IPO5: variants seen among roughly 807,000 people sequenced by gnomAD.
IPO5 encodes the protein importin-5.
Under a neutral mutation model 143.3 loss-of-function variants are expected in IPO5, and 18 were observed. That is an observed-to-expected ratio of 0.13 (90% CI 0.09 to 0.19). The LOEUF (loss-of-function observed/expected upper bound fraction) is 0.19, where lower values mean the gene tolerates loss of function less well. Among genes scored for constraint, IPO5 ranks in the 10% least tolerant of loss-of-function variants. The pLI is 1.00. For synonymous variants in IPO5, 477 were observed against 465.7 expected, an observed-to-expected ratio of 1.02 and a Z score of -0.31; for missense variants, 1,013 against 1,336.9, an observed-to-expected ratio of 0.76 and a Z score of 3.78.
intron 13 of IPO5, 138 bp downstream of exon 13, chr13:98,000,783 C>A: frequency 1.6e-6 from 1 of 610,896 alleles, no homozygotes; most frequent in Non-Finnish European, 2.9e-6. Flanking sequence ...TTTATTTTAC[C>A]GATAAAATTG....
At chr13:98,000,222 T>G (rs1888648096) in intron 12 of IPO5, among the ~76,000 whole-genome samples, 1 of 152,008 alleles carries the variant, frequency 6.6e-6, no homozygotes, top group African/African-American at 2.4e-5. Context: ...GAGGCGGAGC[T>G]TGCAGTGAGC....
intron 28 of IPO5, 154 bp downstream of exon 28, chr13:98,021,287 A>T: frequency 1.7e-6 from 1 of 591,452 alleles, no homozygotes; most frequent in Non-Finnish European, 2.8e-6. Flanking sequence ...GATTATACTT[A>T]ATGTAATCCA....
chr13:98,004,605 G>A lies in IPO5; in HGVS notation c.1498-1525G>A, dbSNP rs574295228. ...TGGAAGGAGTTGTTGGGATGGGATG[G>A]TAGGAGGACAGTGTTCACGAGGAAG... On this transcript the variant is annotated intron_variant, in intron 16 of 28. Coordinates refer to ENST00000651721, the MANE Select transcript of IPO5 (RefSeq NM_002271.6). Among the ~76,000 whole-genome samples, 3 of 152,304 alleles carry A rather than the reference G, an allele frequency of 2.0e-5. 1 individual carries two copies. The highest frequency in any genetic ancestry group is 7.2e-5 in the African/African-American group (3 of 41,588).
Position 98,019,586 on chromosome 13 carries a change from C to T in IPO5, c.2842C>T (p.Leu948Phe). The change falls in exon 27 of 29, where the codon CTT becomes TTT. Residue 948 changes from leucine to phenylalanine, a missense_variant. By Grantham distance (22) the Leu-to-Phe change is conservative. Transcript: ENST00000651721. ...DNYRPFCTEALPLLVRVIQSA... is the reference protein window; with the variant it reads ...DNYRPFCTEAFPLLVRVIQSA... ...CTTTCAAATGCTTATTTTAGAAGCA[C>T]TTCCCCTGCTGGTAAGAGTTATTCA... 1 of 1,610,488 alleles carries T rather than the reference C, an allele frequency of 6.2e-7. No individual in the cohort carries two copies. Among genetic ancestry groups the T allele is most frequent in the African/African-American group, 1.3e-5 (1 of 74,998 alleles).
intron 9 of IPO5, 141 bp downstream of exon 9, chr13:97,990,678 G>A: frequency 1.9e-6 from 1 of 521,290 alleles, no homozygotes; most frequent in Non-Finnish European, 3.3e-6. Flanking sequence ...GCAAATCTCA[G>A]TCTCCATTAA....
At chr13:97,972,413 T>C (rs1235019301) in intron 3 of IPO5, among the ~76,000 whole-genome samples, 1 of 152,222 alleles carries the variant, frequency 6.6e-6, no homozygotes, top group Non-Finnish European at 1.5e-5. Flanking sequence ...TTAAGGAGCC[T>C]GGTCTCCTGC....
rs139723396 is a variant in IPO5, at chr13:97,961,107, A to C, written c.-113+6909A>C. ...GTGGTCTTTTTGTCTGATTTCCTTC[A>C]GGCAGTCTAATGAGTTTAAGGTTCA... On this transcript the variant is annotated intron_variant, in intron 2 of 28. Coordinates refer to ENST00000651721, the MANE Select transcript of IPO5 (RefSeq NM_002271.6). Among the ~76,000 whole-genome samples the C allele has an allele frequency of 7.1e-3, 1,082 of 152,288 alleles. 12 individuals carry two copies. Among genetic ancestry groups the C allele is most frequent in the African/African-American group, 0.024 (1,018 of 41,552 alleles).
At chr13:97,993,529 C>T (rs1049136843) in intron 11 of IPO5, among the ~76,000 whole-genome samples, 2 of 152,136 alleles carry the variant, frequency 1.3e-5, no homozygotes, top group Admixed American at 6.6e-5. Context: ...AAAAACAATT[C>T]AGCGGGGATA....
chr13:98,000,462 A>T, intron 12 of IPO5, 77 bp from the exon 13 acceptor site: 1 of 907,630 alleles, frequency 1.1e-6, no homozygotes. Flanking sequence ...TAATATGGTT[A>T]GAAGTATGTC....
chr13:97,995,283 C>G (rs1403962732), intron 11 of IPO5, among the ~76,000 whole-genome samples: 1 of 150,554 alleles, frequency 6.6e-6, no homozygotes, highest in Admixed American at 6.7e-5. Context: ...GAGCAGTGTA[C>G]ACTGTACCCA....
intron 20 of IPO5, among the ~76,000 whole-genome samples, chr13:98,011,552 G>A (rs906355683): frequency 2.0e-5 from 3 of 150,834 alleles, no homozygotes; most frequent in African/African-American, 4.9e-5. Flanking sequence ...TGTCAGCCAG[G>A]CTGGAGTATA....
intron 24 of IPO5, among the ~76,000 whole-genome samples, chr13:98,016,514 CT>C (rs754526585): frequency 1.2e-4 from 18 of 152,122 alleles, no homozygotes; most frequent in Non-Finnish European, 2.4e-4. Flanking sequence ...TGCCACACAC[CT>C]TTGTCTTTCG....
At chr13:98,008,798 T>G (rs763531369) in intron 18 of IPO5, among the ~76,000 whole-genome samples, 1 of 152,236 alleles carries the variant, frequency 6.6e-6, no homozygotes, top group Non-Finnish European at 1.5e-5. Flanking sequence ...TAAATGTTTG[T>G]CATATCTTGA....
At chr13:97,983,373 A>G (rs1887019130) in intron 5 of IPO5, among the ~76,000 whole-genome samples, 1 of 152,106 alleles carries the variant, frequency 6.6e-6, no homozygotes, top group Non-Finnish European at 1.5e-5. Context: ...CATTTTCTAG[A>G]ATATTTTATT....
At chr13:98,000,737 C>G (rs1349960670) in intron 13 of IPO5, 92 bp downstream of exon 13, 5 of 819,368 alleles carry the variant, frequency 6.1e-6, no homozygotes, top group African/African-American at 1.7e-5. Context: ...AAAAATTAAT[C>G]TTTGTCTTTT....
chr13:97,982,892 G>C (rs1886972611), intron 5 of IPO5, among the ~76,000 whole-genome samples: 1 of 152,196 alleles, frequency 6.6e-6, no homozygotes, highest in Non-Finnish European at 1.5e-5. Context: ...GATTGATTTT[G>C]AGATGGAGTT....
Position 97,953,919 on chromosome 13 carries a change from A to C in IPO5, c.-192-200A>C, listed in dbSNP as rs1445903263. The C allele has an allele frequency of 3.5e-5, 16 of 456,118 alleles. No homozygotes were observed. In the East Asian group the frequency reaches 1.1e-3, roughly 32 times the overall value. The allele number at this position is 456,118 out of a possible 1,614,324, so 28.3% of individuals were successfully genotyped here. A position where few individuals can be genotyped will look rare whatever the true frequency, so the allele number is the denominator to read the frequency against. ...CAATGATTTGGAGAACATTCTACACAAAAACCAAGTATGAAACAATGACGA... is the reference window on the plus strand; with the variant it reads ...CAATGATTTGGAGAACATTCTACACCAAAACCAAGTATGAAACAATGACGA... On this transcript the variant is annotated intron_variant, in intron 1 of 28. Transcript: ENST00000651721.
intron 2 of IPO5, among the ~76,000 whole-genome samples, chr13:97,958,538 G>C (rs1333989494): frequency 3.3e-5 from 5 of 152,018 alleles, no homozygotes; most frequent in African/African-American, 1.2e-4. Context: ...CCATTGCAGG[G>C]TCCTCTATCT....
At chr13:98,005,376 T>C (rs1889147884) in intron 16 of IPO5, among the ~76,000 whole-genome samples, 1 of 108,004 alleles carries the variant, frequency 9.3e-6, no homozygotes. Context: ...TTTATTTATT[T>C]ATTTATTTAT....
Sources: gnomAD v4.1 joint callset for allele counts (sites outside exome capture counted in the v4.1 genomes callset) on GRCh38, gnomAD v4.1.1 for gene constraint, MANE v1.5 for transcripts, NCBI Gene and HGNC (gene_info 2026-07-23, HGNC 2026-07-21) for gene names.